The following MYOCD variants were observed in gnomAD, a reference collection of about 807,000 sequenced individuals.
MYOCD encodes myocardin.
Under a neutral mutation model 96.1 loss-of-function variants are expected in MYOCD, and 32 were observed. The observed-to-expected ratio is 0.33, with a 90% CI of 0.25 to 0.45. MYOCD has a LOEUF of 0.45. Ranked by LOEUF, MYOCD falls within the 20% of genes least tolerant of loss-of-function variation. MYOCD has a pLI of 1.00. For synonymous variants in MYOCD, 469 were observed against 469.0 expected, an observed-to-expected ratio of 1.00 and a Z score of 0.00; for missense variants, 1,133 against 1,200.6, an observed-to-expected ratio of 0.94 and a Z score of 0.83.
At chr17:12,669,692 C>T (rs1485627619) in intron 1 of MYOCD, among the ~76,000 whole-genome samples, 2 of 151,976 alleles carry the variant, frequency 1.3e-5, no homozygotes, top group East Asian at 3.9e-4. Flanking sequence ...GATCTCGGCT[C>T]ACTGCAAGCT....
chr17:12,719,090 G>C (rs1044621988), intron 4 of MYOCD, among the ~76,000 whole-genome samples: 1 of 146,208 alleles, frequency 6.8e-6, no homozygotes, highest in Non-Finnish European at 1.5e-5. Context: ...CAGGAGAATT[G>C]CTTGAACCTG....
At chr17:12,736,926 T>C (rs377020591) in intron 6 of MYOCD, among the ~76,000 whole-genome samples, 5 of 152,210 alleles carry the variant, frequency 3.3e-5, no homozygotes, top group African/African-American at 7.2e-5. Context: ...GGAACATGTA[T>C]TGAGAATACT....
chr17:12,739,288 GC>G lies in MYOCD; in HGVS notation c.684del (p.Ser229AlafsTer4), dbSNP rs760792013. ...TCAGATGCGGGGAAGCAGGGGCTTGGCCCCCCCAGCACCCCCATAGCCGTGC... is the reference window on the plus strand; with the variant it reads ...TCAGATGCGGGGAAGCAGGGGCTTGGCCCCCCAGCACCCCCATAGCCGTGC... ...HQSDAGKQGL[G>X]PPSTPIAVHA... On this transcript the variant is annotated frameshift_variant, in exon 7 of 14. Coordinates refer to ENST00000425538, the MANE Select transcript of MYOCD (RefSeq NM_001146312.3). LOFTEE classifies it high-confidence loss of function. The G allele has an allele frequency of 2.5e-6, 4 of 1,608,012 alleles. No individual in the cohort carries two copies. The highest frequency in any genetic ancestry group is 2.2e-5 in the East Asian group (1 of 44,454).
intron 1 of MYOCD, among the ~76,000 whole-genome samples, chr17:12,689,522 A>G (rs1443146513): frequency 1.3e-5 from 2 of 152,218 alleles, no homozygotes; most frequent in African/African-American, 4.8e-5. Context: ...GAAATGAATG[A>G]TATTAGAACA....
At chr17:12,686,362 C>T (rs1308933768) in intron 1 of MYOCD, among the ~76,000 whole-genome samples, 3 of 152,176 alleles carry the variant, frequency 2.0e-5, no homozygotes, top group Admixed American at 6.6e-5. Context: ...GGCTCTTCTC[C>T]CAGGCTCTTA....
chr17:12,734,945 G>T (rs2032298773), intron 5 of MYOCD, among the ~76,000 whole-genome samples: 1 of 152,174 alleles, frequency 6.6e-6, no homozygotes, highest in Non-Finnish European at 1.5e-5. Flanking sequence ...CAGTTAGTGG[G>T]CCGCCCCATG....
intron 5 of MYOCD, among the ~76,000 whole-genome samples, chr17:12,730,295 A>T (rs1229360994): frequency 6.6e-6 from 1 of 151,968 alleles, no homozygotes; most frequent in African/African-American, 2.4e-5. Context: ...CTAAAAATAC[A>T]AAATTAGCTG....
At chr17:12,714,428 A>G (rs896965232) in intron 2 of MYOCD, among the ~76,000 whole-genome samples, 10 of 151,846 alleles carry the variant, frequency 6.6e-5, no homozygotes, top group African/African-American at 2.4e-4. Context: ...CATCACCTGC[A>G]GCTTACAGTA....
chr17:12,667,590 A>G (rs558810265), intron 1 of MYOCD, among the ~76,000 whole-genome samples: 19 of 152,334 alleles, frequency 1.2e-4, no homozygotes, highest in African/African-American at 4.1e-4. Flanking sequence ...TTTGTTTTCT[A>G]TGAGGCTGCA....
intron 4 of MYOCD, among the ~76,000 whole-genome samples, chr17:12,721,482 C>T (rs960433939): frequency 2.0e-5 from 3 of 152,000 alleles, no homozygotes; most frequent in Non-Finnish European, 2.9e-5. Flanking sequence ...CCCAAAAGTA[C>T]GATGTTGGTA....
chr17:12,726,957 C>T (rs2150694265), intron 5 of MYOCD, among the ~76,000 whole-genome samples: 1 of 152,214 alleles, frequency 6.6e-6, no homozygotes, highest in South Asian at 2.1e-4. Context: ...TTACCTATTA[C>T]TAAAAATTCT....
intron 1 of MYOCD, among the ~76,000 whole-genome samples, chr17:12,685,645 C>G (rs1182278944): frequency 2.6e-5 from 4 of 151,840 alleles, no homozygotes; most frequent in African/African-American, 7.3e-5. Context: ...TCAAGAATAC[C>G]CTTTAGCATC....
At chr17:12,759,786 G>A (rs1281502960) in intron 12 of MYOCD, among the ~76,000 whole-genome samples, 1 of 152,174 alleles carries the variant, frequency 6.6e-6, no homozygotes, top group East Asian at 1.9e-4. Flanking sequence ...AGCCACATTG[G>A]AGCAACCAAG....
chr17:12,670,899 G>A (rs934351556), intron 1 of MYOCD, among the ~76,000 whole-genome samples: 2 of 152,086 alleles, frequency 1.3e-5, no homozygotes, highest in Non-Finnish European at 2.9e-5. Flanking sequence ...TTGGGGTCTG[G>A]CTCAAGCCAC....
At chr17:12,696,510 A>G (rs2030760728) in intron 1 of MYOCD, among the ~76,000 whole-genome samples, 1 of 152,186 alleles carries the variant, frequency 6.6e-6, no homozygotes. Context: ...TTTCCACAGT[A>G]GTTGCCCATT....
At chr17:12,719,623 C>T (rs1051498046) in intron 4 of MYOCD, among the ~76,000 whole-genome samples, 9 of 147,516 alleles carry the variant, frequency 6.1e-5, no homozygotes, top group Non-Finnish European at 1.0e-4. Context: ...GAGGCCGAGG[C>T]GGGCGGATCA....
chr17:12,695,417 C>T (rs965381896), intron 1 of MYOCD, among the ~76,000 whole-genome samples: 1 of 152,184 alleles, frequency 6.6e-6, no homozygotes, highest in Non-Finnish European at 1.5e-5. Context: ...GGATTAAGAT[C>T]GCAACATATA....
chr17:12,725,547 C>T (rs1416155583), intron 5 of MYOCD, among the ~76,000 whole-genome samples: 1 of 147,998 alleles, frequency 6.8e-6, no homozygotes, highest in Non-Finnish European at 1.5e-5. Flanking sequence ...ATATAAAGCA[C>T]ATGTTTATAT....
chr17:12,762,350 C>G (rs1400297841), intron 13 of MYOCD: 1 of 152,248 alleles, frequency 6.6e-6, no homozygotes, highest in Admixed American at 6.6e-5. Flanking sequence ...TTACAAGGTA[C>G]ATAATAAGTG....
Sources: allele counts gnomAD v4.1 joint callset (sites outside exome capture counted in the v4.1 genomes callset), GRCh38; gene constraint gnomAD v4.1.1; transcripts MANE v1.5; gene names NCBI Gene and HGNC (gene_info 2026-07-23, HGNC 2026-07-21).